Variants in SGK3 observed in about 807,000 individuals in gnomAD.
SGK3 encodes the protein serum/glucocorticoid regulated kinase family member 3.
In SGK3, 47 loss-of-function variants were observed where a neutral mutation model predicts 68.5. That is an observed-to-expected ratio of 0.69 (90% confidence interval 0.54 to 0.87). The LOEUF is 0.87. Ranked by LOEUF, SGK3 falls within the 40% of genes least tolerant of loss-of-function variation. The pLI, the probability that SGK3 is intolerant of heterozygous loss-of-function variation, is 0.00. For missense variants in SGK3, 479 were observed against 575.5 expected (o/e 0.83, Z 1.72); for synonymous variants, 181 against 189.1 (o/e 0.96, Z 0.35).
intron 15 of SGK3, among the ~76,000 whole-genome samples, chr8:66,849,819 T>A (rs1810191452): frequency 1.3e-5 from 2 of 152,088 alleles, no homozygotes; most frequent in South Asian, 4.1e-4. Context: ...GTTCAAGTGA[T>A]CCTCCCACTT....
chr8:66,858,798 G>GT lies in SGK3; in HGVS notation c.1321-607dup, dbSNP rs375752336. Among the ~76,000 whole-genome samples the GT allele has an allele frequency of 4.7e-4, 71 of 152,078 alleles. 1 individual carries two copies. Among genetic ancestry groups the GT allele is most frequent in the Middle Eastern group, 3.4e-3 (1 of 294 alleles). On this transcript the variant is annotated intron_variant, in intron 16 of 16. Coordinates refer to ENST00000521198, the MANE Select transcript of SGK3 (RefSeq NM_001033578.3). ...AGACCTTTTTTGCATTTTTTTGTTT[G>GT]TTTTTTAGCTCATCAGCTATTGTTA...
intron 2 of SGK3, among the ~76,000 whole-genome samples, chr8:66,797,594 A>G (rs1230509860): frequency 1.3e-5 from 2 of 152,206 alleles, no homozygotes; most frequent in Non-Finnish European, 2.9e-5. Flanking sequence ...GAGGTTATGT[A>G]TATTTGAAAA....
intron 1 of SGK3, among the ~76,000 whole-genome samples, chr8:66,743,802 C>A (rs1805549339): frequency 6.6e-6 from 1 of 152,236 alleles, no homozygotes; most frequent in Non-Finnish European, 1.5e-5. Flanking sequence ...CGTGAGCTAC[C>A]GCTCCGAGAG....
chr8:66,744,697 G>C (rs1316306764), intron 1 of SGK3, among the ~76,000 whole-genome samples: 4 of 150,476 alleles, frequency 2.7e-5, no homozygotes, highest in Admixed American at 2.6e-4. Flanking sequence ...GTGGAGATGG[G>C]GTTTCACCAT....
chr8:66,721,625 C>CT (rs1804796191), intron 1 of SGK3, among the ~76,000 whole-genome samples: 1 of 152,066 alleles, frequency 6.6e-6, no homozygotes, highest in South Asian at 2.1e-4. Context: ...CTCCTCTTCT[C>CT]TAAATAAGCT....
intron 1 of SGK3, among the ~76,000 whole-genome samples, chr8:66,783,851 AT>A (rs1450454993): frequency 1.3e-5 from 2 of 152,012 alleles, no homozygotes; most frequent in African/African-American, 4.8e-5. Context: ...GGTACATTAT[AT>A]TCTAGGAATT....
chr8:66,792,345 A>G (rs921212624), intron 1 of SGK3, among the ~76,000 whole-genome samples: 5 of 152,060 alleles, frequency 3.3e-5, no homozygotes, highest in East Asian at 3.9e-4. Context: ...AAAAAAAAAA[A>G]AAAGAAATCT....
At chr8:66,799,668 C>T (rs1807850731) in intron 3 of SGK3, among the ~76,000 whole-genome samples, 1 of 152,198 alleles carries the variant, frequency 6.6e-6, no homozygotes, top group Non-Finnish European at 1.5e-5. Context: ...GTCACCCAGG[C>T]TGGAGTGCAG....
intron 3 of SGK3, among the ~76,000 whole-genome samples, chr8:66,799,421 A>G (rs1807836627): frequency 6.6e-6 from 1 of 152,186 alleles, no homozygotes; most frequent in Non-Finnish European, 1.5e-5. Context: ...CAAGACCACC[A>G]CAGTCACTAT....
At chr8:66,781,443 G>A (rs1057389397) in intron 1 of SGK3, among the ~76,000 whole-genome samples, 3 of 152,170 alleles carry the variant, frequency 2.0e-5, no homozygotes, top group African/African-American at 4.8e-5. Context: ...CAAACTCCTG[G>A]CCTCAAGCTG....
At chr8:66,858,757 T>C (rs1289678723) in intron 16 of SGK3, among the ~76,000 whole-genome samples, 3 of 152,192 alleles carry the variant, frequency 2.0e-5, no homozygotes, top group Admixed American at 6.5e-5. Context: ...TCTTAAACTT[T>C]CTGTAAAACA....
intron 1 of SGK3, among the ~76,000 whole-genome samples, chr8:66,757,485 T>A (rs1379159551): frequency 1.3e-5 from 2 of 152,050 alleles, no homozygotes; most frequent in Non-Finnish European, 2.9e-5. Flanking sequence ...TATGGGCCAG[T>A]GTTTCTCAAA....
Position 66,859,749 on chromosome 8 carries a change from A to C in SGK3, c.*168A>C. Reference sequence around the variant, plus strand: ...CTTCTATGTGCAAGAAAAATAGGGCATTTCAAAGAGCTGTTTTGATTAAAA... The same window carrying C: ...CTTCTATGTGCAAGAAAAATAGGGCCTTTCAAAGAGCTGTTTTGATTAAAA... On this transcript the variant is annotated 3_prime_UTR_variant, in exon 17 of 17. Transcript: ENST00000521198. 1.4e-6 allele frequency: 1 copy of C among 694,596 alleles called. No homozygotes were observed. The highest frequency in any genetic ancestry group is 5.1e-5 in the South Asian group (1 of 19,458). 43.0% of individuals were successfully genotyped at this position (694,596 alleles called of 1,614,324 possible). A position where few individuals can be genotyped will look rare whatever the true frequency, so the allele number is the denominator to read the frequency against.
chr8:66,794,452 A>C (rs770488904), intron 2 of SGK3, among the ~76,000 whole-genome samples: 7 of 151,930 alleles, frequency 4.6e-5, no homozygotes, highest in Non-Finnish European at 1.0e-4. Flanking sequence ...ATTAGTATAT[A>C]CAGAGGTCTT....
rs1286801966 is a variant in SGK3, at chr8:66,843,533, A to G, written c.1060A>G (p.Met354Val). ...GTGCCTTGGGGCTGTTCTGTATGAA[A>G]TGCTGTATGGATTGGTATGTATTTC... The part of the protein sequence containing the change: ...WWCLGAVLYE[M>V]LYGLPPFYCR... Residue 354 changes from methionine to valine, a missense_variant, in exon 14 of 17, where the codon ATG (methionine) becomes GTG (valine). By Grantham distance (21) the Met-to-Val change is conservative. This residue lies in a region of SGK3 where 173 missense variants were observed against 214.3 expected (regional missense o/e 0.81). Transcript: ENST00000521198. 2.4e-5 allele frequency: 39 copies of G among 1,613,850 alleles called. No homozygotes were observed. Among genetic ancestry groups the G allele is most frequent in the Non-Finnish European group, 2.9e-5 (34 of 1,179,966 alleles).
At chr8:66,834,604 A>G (rs980006778) in intron 8 of SGK3, among the ~76,000 whole-genome samples, 32 of 152,080 alleles carry the variant, frequency 2.1e-4, no homozygotes, top group African/African-American at 7.5e-4. Context: ...AAAAAAATTT[A>G]AATCTTGCAA....
intron 5 of SGK3, among the ~76,000 whole-genome samples, chr8:66,821,591 C>G (rs988597133): frequency 6.6e-6 from 1 of 151,586 alleles, no homozygotes; most frequent in Non-Finnish European, 1.5e-5. Flanking sequence ...CGGCTCACTG[C>G]AAGCTCCGCC....
At chr8:66,859,311 G>A (rs892533523) in intron 16 of SGK3, 100 bp from the exon 17 acceptor site, 2 of 1,325,638 alleles carry the variant, frequency 1.5e-6, no homozygotes, top group Admixed American at 5.3e-5. Flanking sequence ...GCCAGCCCAG[G>A]TGGCAGTGTG....
At chr8:66,714,392 G>A (rs1397289194) in intron 1 of SGK3, among the ~76,000 whole-genome samples, 11 of 151,962 alleles carry the variant, frequency 7.2e-5, no homozygotes, top group Non-Finnish European at 1.6e-4. Flanking sequence ...CACCATTAGA[G>A]ACCCAATGTG....
Sources: allele counts gnomAD v4.1 joint callset (sites outside exome capture counted in the v4.1 genomes callset), GRCh38; gene constraint gnomAD v4.1.1; regional missense constraint gnomAD v4.1.1; transcripts MANE v1.5; gene names NCBI Gene and HGNC (gene_info 2026-07-23, HGNC 2026-07-21).